RNF111: variants seen among roughly 807,000 people sequenced by gnomAD.
The protein encoded by RNF111 is ring finger protein 111, also known as E3 ubiquitin-protein ligase Arkadia.
A neutral mutation model predicts 95.1 loss-of-function variants in RNF111; 17 were observed. The ratio of observed to expected loss-of-function variants is 0.18; its 90% confidence interval spans 0.12 to 0.27. The LOEUF is 0.27. Among genes scored for constraint, RNF111 ranks in the 10% least tolerant of loss-of-function variants. The pLI is 1.00. For missense variants in RNF111, 1,189 were observed against 1,210.4 expected (o/e 0.98, Z 0.26); for synonymous variants, 440 against 414.8 (o/e 1.06, Z -0.74).
In RNF111 at chr15:59,091,041, T is replaced by G; in HGVS notation, c.2644-18T>G. On this transcript the variant is annotated intron_variant, in intron 11 of 13. Transcript: ENST00000348370. ...AATCATCTTGGCTTTTACCAGTCAT[T>G]ATATTCTTCACTTTCAGGAACTGAT... 1 of 1,502,634 alleles carries G rather than the reference T, an allele frequency of 6.7e-7. No homozygotes were observed. The highest frequency in any genetic ancestry group is 9.2e-7 in the Non-Finnish European group (1 of 1,081,480). The allele number at this position is 1,502,634 out of a possible 1,614,324, so 93.1% of individuals were successfully genotyped here.
intron 1 of RNF111, among the ~76,000 whole-genome samples, chr15:58,988,700 C>T (rs2038678379): frequency 6.6e-6 from 1 of 152,220 alleles, no homozygotes; most frequent in Admixed American, 6.5e-5. Context: ...TAGATCTTTA[C>T]AGATGGGTAT....
rs773153792 is a variant in RNF111 at position 59,075,976 on chromosome 15, G to A, written c.1709G>A (p.Ser570Asn). Residue 570 changes from serine to asparagine, a missense_variant, in exon 7 of 14, where the codon AGC (serine) becomes AAC (asparagine). Physicochemically the swap from Ser to Asn is conservative, Grantham distance 46. Transcript: ENST00000348370. ...HEQQALPVDLSNSGIRSHGSG... is the reference protein window; with the variant it reads ...HEQQALPVDLNNSGIRSHGSG... ...TAGCAGGCATTGCCAGTGGACCTGA[G>A]CAACAGTGGTATCAGAAGTCATGGA... 1 of 1,614,160 alleles carries A rather than the reference G, an allele frequency of 6.2e-7. No individual in the cohort carries two copies.
In RNF111 at chr15:59,097,402, C is replaced by T. The variant is rs568859513; in HGVS notation, c.*2502C>T. The T allele has an allele frequency of 1.3e-5, 2 of 152,064 alleles. No homozygotes were observed. Among genetic ancestry groups the T allele is most frequent in the African/African-American group, 4.8e-5 (2 of 41,480 alleles). 9.4% of individuals were successfully genotyped at this position (152,064 alleles called of 1,614,324 possible). On this transcript the variant is annotated 3_prime_UTR_variant, in exon 14 of 14. Coordinates refer to ENST00000348370, the MANE Select transcript of RNF111 (RefSeq NM_017610.8). ...TTTGAACCATAACAGTTGTGATAAA[C>T]TGATCGTTTGAAACGTTTTTCTTAC...
intron 2 of RNF111, among the ~76,000 whole-genome samples, chr15:59,035,776 C>T (rs1321008186): frequency 2.0e-5 from 3 of 152,188 alleles, no homozygotes; most frequent in Admixed American, 1.3e-4. Context: ...CCAAGAAGTT[C>T]CTTGTCTACA....
At chr15:58,991,723 G>GT (rs1241862537) in intron 1 of RNF111, among the ~76,000 whole-genome samples, 1 of 152,198 alleles carries the variant, frequency 6.6e-6, no homozygotes, top group African/African-American at 2.4e-5. Flanking sequence ...ATCTACAAAT[G>GT]TAAATTAATT....
chr15:59,021,014 T>TACTTCTGCATTAAC (rs2040312280), intron 1 of RNF111, among the ~76,000 whole-genome samples: 2 of 152,178 alleles, frequency 1.3e-5, no homozygotes, highest in Non-Finnish European at 2.9e-5. Flanking sequence ...GGTGCACCCA[T>TACTTCTGCATTAAC]CACCTGAGCC....
intron 1 of RNF111, among the ~76,000 whole-genome samples, chr15:59,016,879 G>A (rs1192437431): frequency 6.6e-6 from 1 of 152,044 alleles, no homozygotes; most frequent in East Asian, 1.9e-4. Context: ...CAGATCAGCA[G>A]CGGCATTCTT....
chr15:59,067,198 ATT>A (rs764421652), intron 6 of RNF111, 115 bp downstream of exon 6: 131 of 746,582 alleles, frequency 1.8e-4, no homozygotes, highest in Non-Finnish European at 2.3e-4. Context: ...CCCTCCCTCC[ATT>A]TCTCTCCCTG....
chr15:59,014,121 C>G (rs188817814), intron 1 of RNF111, among the ~76,000 whole-genome samples: 106 of 152,274 alleles, frequency 7.0e-4, no homozygotes, highest in African/African-American at 2.5e-3. Flanking sequence ...AGAATTAATA[C>G]TACATTATTT....
chr15:58,988,239 G>C (rs2038655593), intron 1 of RNF111, 171 bp downstream of exon 1: 1 of 152,468 alleles, frequency 6.6e-6, no homozygotes, highest in East Asian at 1.9e-4. Context: ...GGTCTCCGCA[G>C]ACGATTTGTG....
At chr15:59,047,366 G>A (rs1440030242) in intron 2 of RNF111, among the ~76,000 whole-genome samples, 1 of 152,030 alleles carries the variant, frequency 6.6e-6, no homozygotes, top group East Asian at 1.9e-4. Flanking sequence ...ATGGTGGCAG[G>A]TACCTGTAGT....
Position 59,031,435 on chromosome 15 carries a change from A to G in RNF111, c.613A>G (p.Ser205Gly), listed in dbSNP as rs761680125. 6.2e-7 allele frequency: 1 copy of G among 1,614,240 alleles called. No individual in the cohort carries two copies. Among genetic ancestry groups the G allele is most frequent in the South Asian group, 1.1e-5 (1 of 91,088 alleles). The change falls in exon 2 of 14, where the codon AGT becomes GGT. Residue 205 changes from serine to glycine, a missense_variant. By Grantham distance (56) the Ser-to-Gly change is moderately conservative. Around this residue, in one of 2 missense-constraint regions of RNF111, gnomAD observed 1,024 missense variants for 925.9 expected, o/e 1.11. Transcript: ENST00000348370. ...LLMKRPCLHG[S>G]SLRRLPCRKR... ...AATGAAAAGACCCTGTTTACATGGC[A>G]GTTCGTTACGGAGACTTCCATGCAG...
intron 6 of RNF111, among the ~76,000 whole-genome samples, chr15:59,071,298 CAAAA>C (rs35775103): frequency 5.3e-5 from 5 of 95,020 alleles, no homozygotes; most frequent in Admixed American, 2.2e-4. Flanking sequence ...GACTCCATCT[CAAAA>C]AAAAAAAAAA....
At position 59,030,950 on chromosome 15, in the gene RNF111, T is replaced by C. The variant is rs774394311; in HGVS notation, c.128T>C (p.Ile43Thr). 71 of 1,614,070 alleles carry C rather than the reference T, an allele frequency of 4.4e-5. No individual in the cohort carries two copies. Among genetic ancestry groups the C allele is most frequent in the Non-Finnish European group, 5.1e-5 (60 of 1,180,020 alleles). Residue 43 changes from isoleucine to threonine, a missense_variant, in exon 2 of 14, where the codon ATT becomes ACT. Coordinates refer to ENST00000348370, the MANE Select transcript of RNF111 (RefSeq NM_017610.8). ...LKGILLHPEP[I>T]GAAKSFPAGV... ...GGGATCCTTTTGCATCCAGAGCCCATTGGGGCAGCCAAAAGTTTTCCTGCA... is the reference window on the plus strand; with the variant it reads ...GGGATCCTTTTGCATCCAGAGCCCACTGGGGCAGCCAAAAGTTTTCCTGCA...
chr15:59,072,969 A>G (rs2043006728), intron 6 of RNF111, among the ~76,000 whole-genome samples: 1 of 151,796 alleles, frequency 6.6e-6, no homozygotes, highest in Admixed American at 6.6e-5. Flanking sequence ...GGGAGGAGTT[A>G]AAGACCAGTC....
intron 3 of RNF111, among the ~76,000 whole-genome samples, chr15:59,054,777 AC>A: frequency 1.3e-5 from 2 of 152,116 alleles, no homozygotes; most frequent in Non-Finnish European, 2.9e-5. Context: ...GTGGTTAAGC[AC>A]CCACCCCCAA....
chr15:59,092,459 CA>C, intron 12 of RNF111, 77 bp from the exon 13 acceptor site: 1 of 1,434,732 alleles, frequency 7.0e-7, no homozygotes, highest in Non-Finnish European at 9.2e-7. Context: ...TTTTGTTTTT[CA>C]AATAAACACA....
At chr15:59,069,647 C>T (rs1257971402) in intron 6 of RNF111, among the ~76,000 whole-genome samples, 2 of 152,076 alleles carry the variant, frequency 1.3e-5, no homozygotes, top group Non-Finnish European at 2.9e-5. Flanking sequence ...CACAGGCATT[C>T]AGTGGTGATA....
intron 7 of RNF111, among the ~76,000 whole-genome samples, chr15:59,078,546 T>A (rs1478779694): frequency 2.4e-5 from 3 of 126,650 alleles, no homozygotes; most frequent in Non-Finnish European, 4.8e-5. Flanking sequence ...AGTGAGAACC[T>A]GTCTCTAAAA....
Sources: allele counts gnomAD v4.1 joint callset (sites outside exome capture counted in the v4.1 genomes callset), GRCh38; gene constraint gnomAD v4.1.1; regional missense constraint gnomAD v4.1.1; transcripts MANE v1.5; gene names NCBI Gene and HGNC (gene_info 2026-07-23, HGNC 2026-07-21).